Variants in USP40 observed in about 807,000 individuals in gnomAD.
The protein encoded by USP40 is ubiquitin carboxyl-terminal hydrolase 40.
Under a neutral mutation model 166.2 loss-of-function variants are expected in USP40, and 143 were observed. The observed-to-expected ratio is 0.86, with a 90% CI of 0.75 to 0.99. The LOEUF is 0.99. Among genes scored for constraint, USP40 ranks in the 50% least tolerant of loss-of-function variants. USP40 has a pLI of 0.00. For synonymous variants in USP40, 498 were observed against 524.0 expected (o/e 0.95, Z 0.68); for missense variants, 1,444 against 1,479.7 (o/e 0.98, Z 0.40).
chr2:233,543,319 T>C (rs2069598349), intron 8 of USP40, among the ~76,000 whole-genome samples: 2 of 152,124 alleles, frequency 1.3e-5, no homozygotes, highest in Non-Finnish European at 2.9e-5. Context: ...AAATGCTAGA[T>C]AAAGTAAAAC....
Position 233,554,543 on chromosome 2 carries a change from T to C in USP40, c.547-17A>G, listed in dbSNP as rs1189398783. The C allele has an allele frequency of 1.9e-6, 3 of 1,583,510 alleles. No individual in the cohort carries two copies. Among genetic ancestry groups the C allele is most frequent in the Non-Finnish European group, 2.6e-6 (3 of 1,168,672 alleles). On this transcript the variant is annotated splice_polypyrimidine_tract_variant and intron_variant, in intron 5 of 31. Coordinates refer to ENST00000678225, the MANE Select transcript of USP40 (RefSeq NM_001365479.2). Reference sequence around the variant, plus strand: ...GAAGTCTTCCTGAAATAGACATGAATATAATATTGAAAAACAATTTCAGAG... The same window carrying C: ...GAAGTCTTCCTGAAATAGACATGAACATAATATTGAAAAACAATTTCAGAG...
chr2:233,482,473 G>A (rs960796339), intron 30 of USP40, among the ~76,000 whole-genome samples: 3 of 152,070 alleles, frequency 2.0e-5, no homozygotes, highest in African/African-American at 7.2e-5. Flanking sequence ...TTATTCTAGG[G>A]AATACAGCTA....
intron 23 of USP40, among the ~76,000 whole-genome samples, chr2:233,497,683 T>C (rs1429570026): frequency 1.3e-5 from 2 of 152,262 alleles, no homozygotes; most frequent in Non-Finnish European, 2.9e-5. Context: ...AAGAAAATGC[T>C]GAAGCTATTT....
chr2:233,551,662 A>C lies in USP40; in HGVS notation c.694-143T>G, dbSNP rs79031908. 1,586 of 802,542 alleles carry C rather than the reference A, an allele frequency of 2.0e-3. 22 individuals are homozygous for C. In the African/African-American group the frequency reaches 0.024, roughly 12 times the overall value. 49.7% of individuals were successfully genotyped at this position (802,542 alleles called of 1,614,324 possible). A position where few individuals can be genotyped will look rare whatever the true frequency, so the allele number is the denominator to read the frequency against. ...AAACTCATTACCATGGATTCAACAT[A>C]ACTCGATGTCAACTCATCTATTTTA... On this transcript the variant is annotated intron_variant, in intron 6 of 31. Transcript: ENST00000678225.
At chr2:233,555,890 A>G (rs1365346762) in intron 5 of USP40, among the ~76,000 whole-genome samples, 4 of 152,154 alleles carry the variant, frequency 2.6e-5, no homozygotes, top group African/African-American at 7.2e-5. Context: ...CAAGGTGGGC[A>G]GATCATGAGG....
chr2:233,499,781 C>G, intron 22 of USP40, 98 bp downstream of exon 22: 1 of 928,474 alleles, frequency 1.1e-6, no homozygotes, highest in Non-Finnish European at 1.6e-6. Flanking sequence ...TTCTCCACAC[C>G]CTATAAATTT....
At chr2:233,522,055 A>G (rs1438470229) in intron 16 of USP40, among the ~76,000 whole-genome samples, 1 of 152,242 alleles carries the variant, frequency 6.6e-6, no homozygotes, top group South Asian at 2.1e-4. Context: ...ACTACAGCCT[A>G]CTGACTTGCC....
intron 18 of USP40, among the ~76,000 whole-genome samples, chr2:233,517,378 G>GTTTTTT (rs2067274570): frequency 1.5e-5 from 2 of 131,868 alleles, no homozygotes; most frequent in Non-Finnish European, 1.6e-5. Context: ...GCACATGCAT[G>GTTTTTT]GTTTTTTGTT....
chr2:233,555,404 T>C (rs1379163944), intron 5 of USP40, among the ~76,000 whole-genome samples: 1 of 152,182 alleles, frequency 6.6e-6, no homozygotes, highest in Non-Finnish European at 1.5e-5. Context: ...TTTTGGGGAA[T>C]GAAAATAGGG....
chr2:233,529,814 C>CTTTTTCTTTTTCTT (rs776660309), intron 11 of USP40, among the ~76,000 whole-genome samples: 10 of 133,950 alleles, frequency 7.5e-5, no homozygotes, highest in African/African-American at 2.3e-4. Context: ...TTTTCTTTTT[C>CTTTTTCTTTTTCTT]TTTTTTTTTT....
At chr2:233,494,924 A>ATATATATATT (rs1559224040) in intron 24 of USP40, among the ~76,000 whole-genome samples, 7 of 30,252 alleles carry the variant, frequency 2.3e-4, no homozygotes, top group East Asian at 2.1e-3. Flanking sequence ...GCATATATAT[A>ATATATATATT]TATATATATA....
chr2:233,490,079 T>C (rs11683101), intron 26 of USP40, among the ~76,000 whole-genome samples: 3,402 of 152,104 alleles, frequency 0.022, 49 homozygotes, highest in Middle Eastern at 0.044. Context: ...CAATTTTATA[T>C]CTTTCAACTT....
chr2:233,508,683 T>C (rs191636082), intron 21 of USP40, among the ~76,000 whole-genome samples: 1 of 152,214 alleles, frequency 6.6e-6, no homozygotes. Flanking sequence ...CATTTATTAG[T>C]TGGAATATGT....
intron 7 of USP40, among the ~76,000 whole-genome samples, chr2:233,551,050 A>G (rs758154247): frequency 5.3e-5 from 8 of 152,246 alleles, no homozygotes; most frequent in Non-Finnish European, 1.0e-4. Flanking sequence ...GACTCTAAAT[A>G]AATCAGTGGT....
chr2:233,514,755 T>A (rs994596291), intron 18 of USP40, among the ~76,000 whole-genome samples: 1 of 152,196 alleles, frequency 6.6e-6, no homozygotes, highest in Non-Finnish European at 1.5e-5. Context: ...TGACTTTTAA[T>A]GGACTTTACT....
At chr2:233,478,240 T>C (rs1042722451) in intron 31 of USP40, among the ~76,000 whole-genome samples, 1 of 152,228 alleles carries the variant, frequency 6.6e-6, no homozygotes, top group African/African-American at 2.4e-5. Flanking sequence ...GCCCAGCAGA[T>C]GCAGCAGGAG....
In USP40 at chr2:233,541,375, G is replaced by A. The variant is rs546923756; in HGVS notation, c.1063-606C>T. On this transcript the variant is annotated intron_variant, in intron 9 of 31. Transcript: ENST00000678225. ...CTGATTGGCATTATCATAAGAAGACGAAGTTTGGACAAAGTGACACCAGGG... is the reference window on the plus strand; with the variant it reads ...CTGATTGGCATTATCATAAGAAGACAAAGTTTGGACAAAGTGACACCAGGG... 5.9e-5 allele frequency among the ~76,000 whole-genome samples: 9 copies of A among 152,242 alleles called. No individual in the cohort carries two copies. In the East Asian group the frequency reaches 1.2e-3, roughly 20 times the overall value.
At chr2:233,515,179 TTCCAGTTTGGGGTTAGG>T (rs1255720326) in intron 18 of USP40, among the ~76,000 whole-genome samples, 1 of 152,250 alleles carries the variant, frequency 6.6e-6, no homozygotes, top group Non-Finnish European at 1.5e-5. Context: ...TTAGGATTGC[TTCCAGTTTGGGGTTAGG>T]AACATTTATG....
intron 2 of USP40, among the ~76,000 whole-genome samples, chr2:233,563,143 T>G (rs935057003): frequency 6.6e-6 from 1 of 152,212 alleles, no homozygotes; most frequent in South Asian, 2.1e-4. Flanking sequence ...GGAAATACAG[T>G]AGTGTTGCAG....
Sources: allele counts gnomAD v4.1 joint callset (sites outside exome capture counted in the v4.1 genomes callset), GRCh38; gene constraint gnomAD v4.1.1; transcripts MANE v1.5; gene names NCBI Gene and HGNC (gene_info 2026-07-23, HGNC 2026-07-21).